Variants in INTS12 observed in about 807,000 individuals in gnomAD.
The protein encoded by INTS12 is integrator complex subunit 12.
Under a neutral mutation model 41.6 loss-of-function variants are expected in INTS12, and 13 were observed. The observed-to-expected ratio is 0.31, with a 90% CI of 0.20 to 0.50. The LOEUF is 0.50. Among genes scored for constraint, INTS12 ranks in the 20% least tolerant of loss-of-function variants. The pLI is 0.98. For missense variants in INTS12, 432 were observed against 541.6 expected, an observed-to-expected ratio of 0.80 and a Z score of 2.01; for synonymous variants, 199 against 191.4, an observed-to-expected ratio of 1.04 and a Z score of -0.33.
chr4:105,682,878 C>G lies in INTS12; in HGVS notation c.1244G>C (p.Ser415Thr). 1.9e-6 allele frequency: 3 copies of G among 1,614,070 alleles called. No individual in the cohort carries two copies. Among genetic ancestry groups the G allele is most frequent in the Non-Finnish European group, 1.7e-6 (2 of 1,179,960 alleles). The change falls in exon 8 of 8, where the codon AGT becomes ACT. Residue 415 changes from serine (S) to threonine (T), a missense_variant. Transcript: ENST00000340139. ...TTCTGAAGTAGTTTTGCTGGTAGTA[C>G]TTCCACTAGGTCCTGATGTTCCACT... ...GNSGTSGPSG[S>T]TTSKTTSESS...
At chr4:105,702,130 C>CTTTTTTTTTTTTTTTTTTTTTTTT in intron 2 of INTS12, among the ~76,000 whole-genome samples, 1 of 109,508 alleles carries the variant, frequency 9.1e-6, no homozygotes, top group Non-Finnish European at 1.8e-5. Context: ...ATTTCTATTT[C>CTTTTTTTTTTTTTTTTTTTTTTTT]TTTTTTTTTT....
At chr4:105,687,773 T>C (rs1230998180) in intron 6 of INTS12, among the ~76,000 whole-genome samples, 1 of 152,136 alleles carries the variant, frequency 6.6e-6, no homozygotes, top group Non-Finnish European at 1.5e-5. Flanking sequence ...GCCCACATGG[T>C]GAAACCCCGT....
chr4:105,688,099 T>C (rs1005497688), intron 6 of INTS12, among the ~76,000 whole-genome samples: 10 of 152,230 alleles, frequency 6.6e-5, no homozygotes, highest in African/African-American at 1.4e-4. Context: ...TGAGGATGAA[T>C]TATGATTATG....
chr4:105,682,641 C>G lies in INTS12; in HGVS notation c.*92G>C. 1.3e-5 allele frequency: 12 copies of G among 935,750 alleles called. 1 individual carries two copies. In the South Asian group the frequency reaches 2.1e-4, roughly 16 times the overall value. 58.0% of individuals were successfully genotyped at this position (935,750 alleles called of 1,614,324 possible). ...AACAATAGAAATTTGATTATGAAGA[C>G]TTTTATTAAATTACAGTGTATTACA... On this transcript the variant is annotated 3_prime_UTR_variant, in exon 8 of 8. Transcript: ENST00000340139.
In INTS12 at chr4:105,683,319, T is replaced by TA. The variant is rs1731390416; in HGVS notation, c.805-3dup. The TA allele has an allele frequency of 1.3e-5, 20 of 1,590,382 alleles. No individual in the cohort carries two copies. The highest frequency in any genetic ancestry group is 2.3e-5 in the South Asian group (2 of 88,844). On this transcript the variant is annotated splice_polypyrimidine_tract_variant and splice_region_variant and intron_variant, in intron 7 of 7. Transcript: ENST00000340139. ...ATTTCCTGAAATAACTGTGGATGTCTAAAAAAATAAAGTAAATAATTACAT... is the reference window on the plus strand; with the variant it reads ...ATTTCCTGAAATAACTGTGGATGTCTAAAAAAAATAAAGTAAATAATTACAT...
At position 105,693,348 on chromosome 4, in the gene INTS12, T is replaced by C; in HGVS notation, c.448A>G (p.Ser150Gly). Residue 150 changes from serine to glycine, a missense_variant, in exon 5 of 8, where the codon AGT becomes GGT. By Grantham distance (56) the Ser-to-Gly change is moderately conservative. This residue lies in a region of INTS12 where 168 missense variants were observed against 198.9 expected (regional missense o/e 0.84). Transcript: ENST00000340139. ...ATCTCCATGGCAAAATCATCAGCAC[T>C]GGTCTCCTCAAAACTGGAAAGGTCA... ...MADLSSFEET[S>G]ADDFAMEMGL... 6.2e-7 allele frequency: 1 copy of C among 1,613,790 alleles called. No individual in the cohort carries two copies. Among genetic ancestry groups the C allele is most frequent in the Non-Finnish European group, 8.5e-7 (1 of 1,179,746 alleles).
chr4:105,693,355 C>G lies in INTS12; in HGVS notation c.441G>C (p.Glu147Asp), dbSNP rs1163166319. The G allele has an allele frequency of 6.2e-7, 1 of 1,613,814 alleles. No individual in the cohort carries two copies. Among genetic ancestry groups the G allele is most frequent in the African/African-American group, 1.3e-5 (1 of 74,932 alleles). The change falls in exon 5 of 8, where the codon GAG becomes GAC. Residue 147 changes from glutamate to aspartate, a missense_variant. Physicochemically the swap from Glu to Asp is conservative, Grantham distance 45 (BLOSUM62 2). Coordinates refer to ENST00000340139, the MANE Select transcript of INTS12 (RefSeq NM_020395.4). The stretch of plus-strand genomic sequence containing the variant: ...TGGCAAAATCATCAGCACTGGTCTC[C>G]TCAAAACTGGAAAGGTCAGCCATAG... ...DLPMADLSSF[E>D]ETSADDFAME...
At chr4:105,691,946 GT>G in intron 6 of INTS12, 29 bp downstream of exon 6, 2 of 1,473,928 alleles carry the variant, frequency 1.4e-6, no homozygotes, top group Non-Finnish European at 1.8e-6. Context: ...TTGACAGACT[GT>G]TTAAAATAAA....
Position 105,682,851 on chromosome 4 carries a change from G to T in INTS12, c.1271C>A (p.Ser424Tyr), listed in dbSNP as rs1300751716. The T allele has an allele frequency of 6.2e-7, 1 of 1,614,076 alleles. No individual in the cohort carries two copies. Among genetic ancestry groups the T allele is most frequent in the South Asian group, 1.1e-5 (1 of 91,082 alleles). The change falls in exon 8 of 8, where the codon TCC becomes TAC. Residue 424 changes from serine (S) to tyrosine (Y), a missense_variant. Physicochemically the swap from Ser to Tyr is moderately radical, Grantham distance 144. Coordinates refer to ENST00000340139, the MANE Select transcript of INTS12 (RefSeq NM_020395.4). ...AAGGGATGCTGAGGGAGAGCTGCTG[G>T]ATTCTGAAGTAGTTTTGCTGGTAGT... ...GSTTSKTTSESSSSPSASLKG... is the reference protein window; with the variant it reads ...GSTTSKTTSEYSSSPSASLKG...
intron 4 of INTS12, among the ~76,000 whole-genome samples, chr4:105,694,787 A>C (rs960318136): frequency 6.6e-6 from 1 of 152,210 alleles, no homozygotes; most frequent in Middle Eastern, 3.2e-3. Flanking sequence ...CTAACTACTA[A>C]AATCTTAATT....
intron 3 of INTS12, among the ~76,000 whole-genome samples, chr4:105,697,768 G>A (rs1038080458): frequency 3.3e-5 from 5 of 152,094 alleles, no homozygotes. Context: ...AATGTGTGGT[G>A]GGCAGGTGTG....
intron 3 of INTS12, among the ~76,000 whole-genome samples, chr4:105,698,680 T>C (rs1731956445): frequency 6.6e-6 from 1 of 152,198 alleles, no homozygotes; most frequent in Non-Finnish European, 1.5e-5. Context: ...CTGAACCTAC[T>C]GCAATGAGAA....
At chr4:105,696,620 T>C (rs778655853) in intron 3 of INTS12, among the ~76,000 whole-genome samples, 3 of 152,206 alleles carry the variant, frequency 2.0e-5, no homozygotes, top group Non-Finnish European at 4.4e-5. Flanking sequence ...TGATGGATAT[T>C]TGGGTTGTCT....
chr4:105,683,393 T>C, intron 7 of INTS12, 76 bp from the exon 8 acceptor site: 1 of 1,121,548 alleles, frequency 8.9e-7, no homozygotes. Flanking sequence ...AGTTATGAAT[T>C]GGGAAATTTA....
intron 5 of INTS12, 51 bp downstream of exon 5, chr4:105,693,248 C>A: frequency 7.0e-7 from 1 of 1,421,074 alleles, no homozygotes; most frequent in Non-Finnish European, 9.6e-7. Context: ...TGGAAAGGGT[C>A]ATGTGTTCTT....
intron 4 of INTS12, among the ~76,000 whole-genome samples, chr4:105,695,122 T>A (rs1466447808): frequency 6.8e-6 from 1 of 147,148 alleles, no homozygotes; most frequent in Non-Finnish European, 1.5e-5. Context: ...AGAGATGGGG[T>A]TTCATCATGT....
chr4:105,702,180 G>A lies in INTS12; in HGVS notation c.-10+1468C>T, dbSNP rs141802402. ...AGACAGAGTCTCGCTCTGTCGCCCAGGCTGGAGTGCAGTGGCATGATCTCG... is the reference window on the plus strand; with the variant it reads ...AGACAGAGTCTCGCTCTGTCGCCCAAGCTGGAGTGCAGTGGCATGATCTCG... On this transcript the variant is annotated intron_variant, in intron 2 of 7. Transcript: ENST00000340139. Among the ~76,000 whole-genome samples, 337 of 134,354 alleles carry A rather than the reference G, an allele frequency of 2.5e-3. 2 individuals are homozygous for A. The highest frequency in any genetic ancestry group is 9.5e-3 in the African/African-American group (326 of 34,396). The allele number at this position is 134,354 out of a possible 152,430, so 88.1% of individuals were successfully genotyped here.
At chr4:105,691,945 T>C (rs1459082604) in intron 6 of INTS12, 31 bp downstream of exon 6, 5 of 1,461,344 alleles carry the variant, frequency 3.4e-6, no homozygotes, top group Non-Finnish European at 4.5e-6. Context: ...ATTGACAGAC[T>C]GTTTAAAATA....
At chr4:105,692,207 G>A (rs921648092) in intron 5 of INTS12, 72 bp from the exon 6 acceptor site, 1 of 1,434,194 alleles carries the variant, frequency 7.0e-7, no homozygotes, top group African/African-American at 1.4e-5. Context: ...TCAGGGGCCA[G>A]GTGTGCTGGC....
Sources: allele counts gnomAD v4.1 joint callset (sites outside exome capture counted in the v4.1 genomes callset), GRCh38; gene constraint gnomAD v4.1.1; regional missense constraint gnomAD v4.1.1; transcripts MANE v1.5; gene names NCBI Gene and HGNC (gene_info 2026-07-23, HGNC 2026-07-21).